The following GLG1 variants were observed in gnomAD, a reference collection of about 807,000 sequenced individuals.
The protein encoded by GLG1 is golgi glycoprotein 1, also known as Golgi apparatus protein 1.
Under a neutral mutation model 160.5 loss-of-function variants are expected in GLG1, and 38 were observed. The observed-to-expected ratio is 0.24, with a 90% CI of 0.18 to 0.31. GLG1 has a LOEUF of 0.31. GLG1 is among the 10% of genes least tolerant of loss of function. The pLI, the probability that GLG1 is intolerant of heterozygous loss-of-function variation, is 1.00. For synonymous variants in GLG1, 644 were observed against 543.4 expected (o/e 1.19, Z -2.57); for missense variants, 1,373 against 1,505.2 (o/e 0.91, Z 1.45).
intron 1 of GLG1, among the ~76,000 whole-genome samples, chr16:74,586,077 A>C (rs559216901): frequency 6.6e-6 from 1 of 151,950 alleles, no homozygotes; most frequent in East Asian, 1.9e-4. Context: ...AAAAAAAAAA[A>C]AAACAAGAAC....
In GLG1 at chr16:74,594,979, G is replaced by A. The variant is rs1057086263; in HGVS notation, c.438+11678C>T. Among the ~76,000 whole-genome samples the A allele has an allele frequency of 3.9e-5, 6 of 152,144 alleles. No homozygotes were observed. The East Asian group carries it at 7.7e-4, about 20-fold the overall frequency. On this transcript the variant is annotated intron_variant, in intron 1 of 25. Transcript: ENST00000422840. ...AGAGGTGGGCAGATCACGAGGTCAG[G>A]AGATCAAGACCATCCTGGCTAACAC...
chr16:74,538,035 T>C (rs537953213), intron 1 of GLG1, among the ~76,000 whole-genome samples: 119 of 151,234 alleles, frequency 7.9e-4, no homozygotes, highest in African/African-American at 2.8e-3. Context: ...TGCTTGGGAG[T>C]TGGATGTTGT....
At position 74,452,874 on chromosome 16, in the gene GLG1, G is replaced by A; in HGVS notation, c.*293C>T. 1 of 1,102,448 alleles carries A rather than the reference G, an allele frequency of 9.1e-7. No homozygotes were observed. The allele number at this position is 1,102,448 out of a possible 1,614,324, so 68.3% of individuals were successfully genotyped here. ...CAGGTCAGGTGAGTTGGTTCTGGAA[G>A]TACCGGAAGTTCTGTTGGTATGAGA... is the stretch of plus-strand genomic sequence containing the variant. On this transcript the variant is annotated 3_prime_UTR_variant, in exon 26 of 26. Coordinates refer to ENST00000422840, the MANE Select transcript of GLG1 (RefSeq NM_001145667.2).
chr16:74,529,212 A>G lies in GLG1; in HGVS notation c.471+2909T>C, dbSNP rs1412006446. Among the ~76,000 whole-genome samples, 5 of 151,820 alleles carry G rather than the reference A, an allele frequency of 3.3e-5. No individual in the cohort carries two copies. The East Asian group carries it at 7.7e-4, about 23-fold the overall frequency. ...TCGAACTCCTGACCTCAAGTAATCC[A>G]CCTGTCTTGACCTCCCAAGGTGCTG... is the stretch of plus-strand genomic sequence containing the variant. On this transcript the variant is annotated intron_variant, in intron 2 of 25. Coordinates refer to ENST00000422840, the MANE Select transcript of GLG1 (RefSeq NM_001145667.2).
chr16:74,447,741 G>T lies in GLG1; in HGVS notation c.*5426C>A, dbSNP rs962835340. The T allele has an allele frequency of 1.3e-5, 2 of 152,322 alleles. No homozygotes were observed. Among genetic ancestry groups the T allele is most frequent in the African/African-American group, 4.8e-5 (2 of 41,476 alleles). 9.4% of individuals were successfully genotyped at this position (152,322 alleles called of 1,614,324 possible). Reference sequence around the variant, plus strand: ...ACTGGTTTGGGAACACTGTGCTGGGGGAAGCTGCCCAGGAAGCGCTCCCGC... The same window carrying T: ...ACTGGTTTGGGAACACTGTGCTGGGTGAAGCTGCCCAGGAAGCGCTCCCGC... On this transcript the variant is annotated 3_prime_UTR_variant, in exon 26 of 26. Coordinates refer to ENST00000422840, the MANE Select transcript of GLG1 (RefSeq NM_001145667.2).
chr16:74,551,388 C>A (rs2018193827), intron 1 of GLG1, among the ~76,000 whole-genome samples: 1 of 151,834 alleles, frequency 6.6e-6, no homozygotes, highest in Admixed American at 6.6e-5. Context: ...TTAGCCCCAA[C>A]CCCCACCTCA....
In GLG1 at chr16:74,452,471, A is replaced by G; in HGVS notation, c.*696T>C. ...CATGCTTTGCTTCAATGAAGCGAGG[A>G]GACCACAGAAATACCCATGGCTGTG... On this transcript the variant is annotated 3_prime_UTR_variant, in exon 26 of 26. Transcript: ENST00000422840. 2 of 1,074,232 alleles carry G rather than the reference A, an allele frequency of 1.9e-6. No homozygotes were observed. Among genetic ancestry groups the G allele is most frequent in the Non-Finnish European group, 2.3e-6 (2 of 880,948 alleles). The allele number at this position is 1,074,232 out of a possible 1,614,324, so 66.5% of individuals were successfully genotyped here.
intron 1 of GLG1, among the ~76,000 whole-genome samples, chr16:74,551,851 T>C (rs2018207483): frequency 6.6e-6 from 1 of 151,658 alleles, no homozygotes; most frequent in African/African-American, 2.4e-5. Context: ...TGCAGATCCT[T>C]AAACGTCTTC....
chr16:74,500,611 A>G (rs1469349998), intron 4 of GLG1, among the ~76,000 whole-genome samples: 5 of 152,176 alleles, frequency 3.3e-5, no homozygotes, highest in African/African-American at 1.2e-4. Flanking sequence ...CACTAGATAA[A>G]GGAAAAAGGA....
chr16:74,601,822 A>C (rs968761075), intron 1 of GLG1, among the ~76,000 whole-genome samples: 1 of 152,180 alleles, frequency 6.6e-6, no homozygotes, highest in African/African-American at 2.4e-5. Flanking sequence ...ACAGTCACAG[A>C]CTAATGTCCT....
intron 4 of GLG1, 47 bp downstream of exon 4, chr16:74,503,484 A>C: frequency 7.8e-7 from 1 of 1,277,600 alleles, no homozygotes; most frequent in Admixed American, 1.7e-5. Context: ...CTTTTCATAC[A>C]CCAAATTTTA....
At chr16:74,528,543 G>A (rs2017415804) in intron 2 of GLG1, among the ~76,000 whole-genome samples, 1 of 151,790 alleles carries the variant, frequency 6.6e-6, no homozygotes, top group African/African-American at 2.4e-5. Flanking sequence ...TAGGTGTGGT[G>A]GCTCACACCT....
intron 1 of GLG1, among the ~76,000 whole-genome samples, chr16:74,538,034 G>T (rs923518417): frequency 2.6e-5 from 4 of 151,492 alleles, no homozygotes; most frequent in African/African-American, 9.7e-5. Context: ...ATGCTTGGGA[G>T]TTGGATGTTG....
Position 74,568,980 on chromosome 16 carries a change from A to G in GLG1, c.439-36827T>C, listed in dbSNP as rs1005651364. Among the ~76,000 whole-genome samples, 4 of 152,240 alleles carry G rather than the reference A, an allele frequency of 2.6e-5. No homozygotes were observed. The South Asian group carries it at 8.3e-4, about 31-fold the overall frequency. On this transcript the variant is annotated intron_variant, in intron 1 of 25. Transcript: ENST00000422840. The stretch of plus-strand genomic sequence containing the variant: ...GGGTACATACCCAAGAACACAGGAG[A>G]GCTCAAAAGCTCACTTCTGCCTTGA...
chr16:74,520,644 A>C (rs150087659), intron 2 of GLG1, among the ~76,000 whole-genome samples: 1 of 152,066 alleles, frequency 6.6e-6, no homozygotes, highest in East Asian at 1.9e-4. Context: ...CTCAAACGAC[A>C]ACAACAACAA....
intron 2 of GLG1, among the ~76,000 whole-genome samples, chr16:74,530,885 A>C (rs545360973): frequency 6.6e-6 from 1 of 152,268 alleles, no homozygotes; most frequent in East Asian, 1.9e-4. Flanking sequence ...AGGGAGAATA[A>C]ACTTTTTACT....
In GLG1 at chr16:74,462,575, G is replaced by T. The variant is rs746630548; in HGVS notation, c.2847C>A (p.Phe949Leu). Residue 949 changes from phenylalanine to leucine, a missense_variant, in exon 21 of 26, where the codon TTC (phenylalanine) becomes TTA (leucine). Physicochemically the swap from Phe to Leu is conservative, Grantham distance 22. Coordinates refer to ENST00000422840, the MANE Select transcript of GLG1 (RefSeq NM_001145667.2). ...RKACKADIPK[F>L]CHGILTKAKD... ...TGGCCTTAGTCAGGATACCGTGACAGAATTTAGGAATGTCAGCTTTACAGG... is the reference window on the plus strand; with the variant it reads ...TGGCCTTAGTCAGGATACCGTGACATAATTTAGGAATGTCAGCTTTACAGG... 2 of 1,613,620 alleles carry T rather than the reference G, an allele frequency of 1.2e-6. No homozygotes were observed. Among genetic ancestry groups the T allele is most frequent in the South Asian group, 2.2e-5 (2 of 91,072 alleles).
chr16:74,471,499 A>G (rs757499381), intron 14 of GLG1, among the ~76,000 whole-genome samples: 2 of 152,210 alleles, frequency 1.3e-5, no homozygotes, highest in Non-Finnish European at 2.9e-5. Context: ...CGTATAAGAC[A>G]TGATATACGC....
intron 1 of GLG1, among the ~76,000 whole-genome samples, chr16:74,542,750 G>GA (rs1555514631): frequency 4.8e-5 from 1 of 20,948 alleles, no homozygotes; most frequent in Non-Finnish European, 1.2e-4. Context: ...AGGAAGGAAG[G>GA]AAGGAAGGAA....
Sources: allele counts gnomAD v4.1 joint callset (sites outside exome capture counted in the v4.1 genomes callset), GRCh38; gene constraint gnomAD v4.1.1; transcripts MANE v1.5; gene names NCBI Gene and HGNC (gene_info 2026-07-23, HGNC 2026-07-21).